ARHGAP15: variants seen among roughly 807,000 people sequenced by gnomAD.
The protein encoded by ARHGAP15 is rho GTPase-activating protein 15.
A neutral mutation model predicts 63.7 loss-of-function variants in ARHGAP15; 51 were observed. That is an observed-to-expected ratio of 0.80 (90% CI 0.64 to 1.01). The LOEUF (loss-of-function observed/expected upper bound fraction) is 1.01, where lower values mean the gene tolerates loss of function less well. Ranked by LOEUF, ARHGAP15 falls within the 50% of genes least tolerant of loss-of-function variation. ARHGAP15 has a pLI of 0.00. For missense variants in ARHGAP15, 560 were observed against 564.6 expected (o/e 0.99, Z 0.08); for synonymous variants, 191 against 193.8 (o/e 0.99, Z 0.12).
At chr2:143,212,008 A>G (rs929682379) in intron 3 of ARHGAP15, among the ~76,000 whole-genome samples, 4 of 152,204 alleles carry the variant, frequency 2.6e-5, no homozygotes, top group African/African-American at 9.6e-5. Context: ...AAAATCTGGT[A>G]AAAGTTGCAG....
At chr2:143,584,536 A>C (rs1183874271) in intron 11 of ARHGAP15, among the ~76,000 whole-genome samples, 1 of 151,940 alleles carries the variant, frequency 6.6e-6, no homozygotes, top group African/African-American at 2.4e-5. Flanking sequence ...TGAGACAAGA[A>C]TTGCTTGAAC....
At chr2:143,415,635 G>T (rs1688641719) in intron 6 of ARHGAP15, among the ~76,000 whole-genome samples, 1 of 152,138 alleles carries the variant, frequency 6.6e-6, no homozygotes, top group Non-Finnish European at 1.5e-5. Flanking sequence ...AAGAATGCTG[G>T]TGAAAGGCAT....
At chr2:143,748,985 C>G (rs1365307746) in intron 13 of ARHGAP15, among the ~76,000 whole-genome samples, 1 of 151,742 alleles carries the variant, frequency 6.6e-6, no homozygotes, top group Non-Finnish European at 1.5e-5. Flanking sequence ...TTTCCCCCTA[C>G]AAGTCAGCTT....
chr2:143,599,466 G>A (rs1410864022), intron 11 of ARHGAP15, among the ~76,000 whole-genome samples: 1 of 152,046 alleles, frequency 6.6e-6, no homozygotes, highest in African/African-American at 2.4e-5. Context: ...GGCAATGTGA[G>A]TGTTGAGGAT....
chr2:143,298,438 C>G (rs1213941788), intron 6 of ARHGAP15, among the ~76,000 whole-genome samples: 1 of 151,980 alleles, frequency 6.6e-6, no homozygotes, highest in South Asian at 2.1e-4. Context: ...CTACTTGTAT[C>G]ATTAAAAGAT....
intron 8 of ARHGAP15, among the ~76,000 whole-genome samples, chr2:143,466,299 C>A (rs568287596): frequency 4.0e-5 from 6 of 151,746 alleles, no homozygotes; most frequent in Non-Finnish European, 8.8e-5. Flanking sequence ...TTATTCTTTC[C>A]ATATCCATTT....
Position 143,606,048 on chromosome 2 carries a change from AAAAAAAAAAAAAAAAAAAAAAAG to A in ARHGAP15, c.1004-18084_1004-18062del, listed in dbSNP as rs1040949641. ...AAGACTCTGTCTCAAAAAAAAAAAA[AAAAAAAAAAAAAAAAAAAAAAAG>A]CCATACATCTGTCTCTTTCGCTACC... On this transcript the variant is annotated intron_variant, in intron 11 of 13. Coordinates refer to ENST00000295095, the MANE Select transcript of ARHGAP15 (RefSeq NM_018460.4). Among the ~76,000 whole-genome samples, 15 of 130,396 alleles carry A rather than the reference AAAAAAAAAAAAAAAAAAAAAAAG, an allele frequency of 1.2e-4. No individual in the cohort carries two copies. In the South Asian group the frequency reaches 1.6e-3, roughly 14 times the overall value. 85.5% of individuals were successfully genotyped at this position (130,396 alleles called of 152,430 possible).
chr2:143,339,307 C>T (rs1056949948), intron 6 of ARHGAP15, among the ~76,000 whole-genome samples: 1 of 152,066 alleles, frequency 6.6e-6, no homozygotes, highest in African/African-American at 2.4e-5. Flanking sequence ...CTCCTGAGTA[C>T]TCAATTTCTT....
At chr2:143,550,661 T>C (rs1399549059) in intron 10 of ARHGAP15, among the ~76,000 whole-genome samples, 1 of 152,202 alleles carries the variant, frequency 6.6e-6, no homozygotes, top group African/African-American at 2.4e-5. Context: ...AAACTTCTGT[T>C]GGGCAGCACT....
intron 13 of ARHGAP15, among the ~76,000 whole-genome samples, chr2:143,718,959 C>T (rs1684928571): frequency 6.6e-6 from 1 of 152,218 alleles, no homozygotes; most frequent in Admixed American, 6.5e-5. Flanking sequence ...GGCTCTATAT[C>T]CTTCCACTTC....
At chr2:143,608,319 C>T (rs1205627831) in intron 11 of ARHGAP15, 1 of 152,114 alleles carries the variant, frequency 6.6e-6, no homozygotes, top group Admixed American at 6.5e-5. Flanking sequence ...GCTCTGTAAG[C>T]AAGGTAAAAG....
chr2:143,325,817 T>G (rs1405313480), intron 6 of ARHGAP15, among the ~76,000 whole-genome samples: 2 of 152,220 alleles, frequency 1.3e-5, no homozygotes, highest in East Asian at 3.8e-4. Flanking sequence ...GATTTCCATC[T>G]ATAATGCACT....
intron 6 of ARHGAP15, among the ~76,000 whole-genome samples, chr2:143,413,264 C>T (rs926138931): frequency 3.3e-5 from 5 of 152,074 alleles, no homozygotes; most frequent in Non-Finnish European, 5.9e-5. Context: ...CACCTTAATC[C>T]GAGTAGAGAT....
At position 143,175,435 on chromosome 2, in the gene ARHGAP15, T is replaced by C. The variant is rs372529366; in HGVS notation, c.165+19780T>C. ...GAAAGATTGGAAGGGAGAAAAGCTA[T>C]CATGGAAAATGACCTGATAGCCTTT... On this transcript the variant is annotated intron_variant, in intron 2 of 13. Transcript: ENST00000295095. 2.5e-4 allele frequency among the ~76,000 whole-genome samples: 38 copies of C among 152,262 alleles called. No individual in the cohort carries two copies. In the East Asian group the frequency reaches 5.0e-3, roughly 20 times the overall value.
At chr2:143,575,285 T>C (rs4325696) in intron 11 of ARHGAP15, among the ~76,000 whole-genome samples, 81,530 of 152,024 alleles carry the variant, frequency 0.54, 22,582 homozygotes, top group Non-Finnish European at 0.61. Context: ...TTAAAACTGT[T>C]TATCTCTGGT....
intron 11 of ARHGAP15, among the ~76,000 whole-genome samples, chr2:143,606,064 AAAAAAAG>A (rs368324113): frequency 0.026 from 1,268 of 48,796 alleles, 185 homozygotes; most frequent in African/African-American, 0.043. Flanking sequence ...AAAAAAAAAA[AAAAAAAG>A]CCATACATCT....
intron 11 of ARHGAP15, among the ~76,000 whole-genome samples, chr2:143,557,066 T>G (rs1695834448): frequency 6.6e-6 from 1 of 151,960 alleles, no homozygotes; most frequent in Non-Finnish European, 1.5e-5. Flanking sequence ...AATGATTGAG[T>G]CACTTTGGAA....
At chr2:143,650,378 C>T (rs149203976) in intron 12 of ARHGAP15, among the ~76,000 whole-genome samples, 2 of 151,868 alleles carry the variant, frequency 1.3e-5, no homozygotes, top group South Asian at 4.1e-4. Context: ...AGTCACGTGT[C>T]CGCTCAGATC....
At chr2:143,655,649 A>T (rs1335026458) in intron 12 of ARHGAP15, among the ~76,000 whole-genome samples, 1 of 152,180 alleles carries the variant, frequency 6.6e-6, no homozygotes, top group African/African-American at 2.4e-5. Flanking sequence ...TAAACTAGGT[A>T]ACTGCCTGGT....
Sources: gnomAD v4.1 joint callset for allele counts (sites outside exome capture counted in the v4.1 genomes callset) on GRCh38, gnomAD v4.1.1 for gene constraint, MANE v1.5 for transcripts, NCBI Gene and HGNC (gene_info 2026-07-23, HGNC 2026-07-21) for gene names.